The following TBK1 variants were observed in gnomAD, a reference collection of about 807,000 sequenced individuals.
TBK1 encodes TANK binding kinase 1.
In TBK1, 37 loss-of-function variants were observed where a neutral mutation model predicts 99.9. The ratio of observed to expected loss-of-function variants is 0.37; its 90% confidence interval spans 0.28 to 0.49. TBK1 has a LOEUF of 0.49. TBK1 is among the 20% of genes least tolerant of loss of function. The probability of loss-of-function intolerance (pLI) is 0.98; values close to 1 mark genes in which losing one functional copy is unlikely to be tolerated. For synonymous variants in TBK1, 258 were observed against 279.8 expected (o/e 0.92, Z 0.78); for missense variants, 644 against 872.5 (o/e 0.74, Z 3.30).
At chr12:64,457,615 A>C (rs2040503245) in intron 2 of TBK1, among the ~76,000 whole-genome samples, 1 of 152,198 alleles carries the variant, frequency 6.6e-6, no homozygotes, top group African/African-American at 2.4e-5. Context: ...TAGTAGCAAG[A>C]TTGATTAGAA....
intron 5 of TBK1, among the ~76,000 whole-genome samples, chr12:64,468,421 G>A (rs1426115130): frequency 6.6e-6 from 1 of 151,896 alleles, no homozygotes; most frequent in African/African-American, 2.4e-5. Flanking sequence ...AACCTGGGAG[G>A]TGGAGGTTTC....
intron 3 of TBK1, among the ~76,000 whole-genome samples, chr12:64,462,622 T>G (rs375916687): frequency 3.0e-4 from 45 of 152,284 alleles, no homozygotes; most frequent in African/African-American, 1.0e-3. Context: ...TTCTCTCTCT[T>G]TTTTGAAATG....
At chr12:64,495,879 T>C in intron 15 of TBK1, 104 bp downstream of exon 15, 1 of 861,496 alleles carries the variant, frequency 1.2e-6, no homozygotes, top group Non-Finnish European at 1.7e-6. Flanking sequence ...CTTCTTAAGC[T>C]GTTTTTTTCA....
chr12:64,478,757 C>G (rs953743512), intron 6 of TBK1, among the ~76,000 whole-genome samples: 3 of 152,166 alleles, frequency 2.0e-5, no homozygotes, highest in African/African-American at 7.2e-5. Flanking sequence ...GAAATCTCTT[C>G]ATTAATAAAA....
intron 8 of TBK1, 79 bp from the exon 9 acceptor site, chr12:64,484,224 T>C (rs1220308134): frequency 1.1e-6 from 1 of 893,772 alleles, no homozygotes; most frequent in East Asian, 2.6e-5. Context: ...TAGAAATGGA[T>C]GTTGTTGCAC....
chr12:64,466,943 G>A lies in TBK1; in HGVS notation c.401G>A (p.Arg134His), dbSNP rs1264687081. Residue 134 changes from arginine (R) to histidine (H), a missense_variant, in exon 5 of 21, where the codon CGT becomes CAT. By Grantham distance (29) the Arg-to-His change is conservative. Transcript: ENST00000331710. Reference sequence around the variant, plus strand: ...CTACGAGAGAATGGTATAGTGCACCGTGATATCAAGCCAGGAAATATCATG... The same window carrying A: ...CTACGAGAGAATGGTATAGTGCACCATGATATCAAGCCAGGAAATATCATG... ...NHLRENGIVH[R>H]DIKPGNIMRV... The A allele has an allele frequency of 3.1e-6, 5 of 1,611,244 alleles. No individual in the cohort carries two copies. The highest frequency in any genetic ancestry group is 2.5e-6 in the Non-Finnish European group (3 of 1,178,796).
chr12:64,457,134 T>C (rs944223554), intron 2 of TBK1, among the ~76,000 whole-genome samples: 3 of 152,218 alleles, frequency 2.0e-5, no homozygotes, highest in African/African-American at 7.2e-5. Context: ...AGAGAGGAAT[T>C]GCTTCCTCTT....
intron 3 of TBK1, among the ~76,000 whole-genome samples, chr12:64,461,223 AT>A (rs1170838012): frequency 2.0e-5 from 3 of 152,074 alleles, no homozygotes; most frequent in African/African-American, 7.2e-5. Flanking sequence ...CTTTAAAAAA[AT>A]AAAAATTTTG....
Position 64,485,499 on chromosome 12 carries a change from G to A in TBK1, c.1234G>A (p.Ala412Thr). Residue 412 changes from alanine to threonine, a missense_variant, in exon 10 of 21, where the codon GCT becomes ACT. By Grantham distance (58) the Ala-to-Thr change is moderately conservative. This residue lies in a region of TBK1 where 465 missense variants were observed against 588.0 expected (regional missense o/e 0.79). Transcript: ENST00000331710. ...TCCACGTTATGATTTAGACGGGGAT[G>A]CTAGCATGGCTAAGGTTAGTATTTA... ...VHPRYDLDGD[A>T]SMAKAITGVV... The A allele has an allele frequency of 6.5e-7, 1 of 1,547,084 alleles. No individual in the cohort carries two copies. The highest frequency in any genetic ancestry group is 8.8e-7 in the Non-Finnish European group (1 of 1,130,236).
chr12:64,466,989 A>C lies in TBK1; in HGVS notation c.447A>C (p.Gly149=). The C allele has an allele frequency of 6.2e-7, 1 of 1,613,048 alleles. No homozygotes were observed. The highest frequency in any genetic ancestry group is 1.7e-4 in the Middle Eastern group (1 of 6,058). The change falls in exon 5 of 21, where the codon GGA becomes GGC. Residue 149 remains glycine (G), a synonymous_variant. Transcript: ENST00000331710. ...GNIMRVIGED[G]QSVYKLTDFG... is the part of the protein sequence containing the mutation. ...TCATGCGTGTTATAGGGGAAGATGGACAGTCTGTGTACAAACTCACAGATT... is the reference window on the plus strand; with the variant it reads ...TCATGCGTGTTATAGGGGAAGATGGCCAGTCTGTGTACAAACTCACAGATT...
At chr12:64,500,617 A>G (rs1289787629) in intron 20 of TBK1, among the ~76,000 whole-genome samples, 1 of 152,120 alleles carries the variant, frequency 6.6e-6, no homozygotes, top group Non-Finnish European at 1.5e-5. Context: ...TTATACTTCA[A>G]TTCAAAGAGT....
chr12:64,484,230 T>C, intron 8 of TBK1, 73 bp from the exon 9 acceptor site: 1 of 934,924 alleles, frequency 1.1e-6, no homozygotes. Flanking sequence ...TGGATGTTGT[T>C]GCACTCATTT....
rs758357594 is a variant in TBK1, at chr12:64,484,380, G to A, written c.1070G>A (p.Arg357Gln). The A allele has an allele frequency of 5.6e-6, 9 of 1,613,944 alleles. No homozygotes were observed. The highest frequency in any genetic ancestry group is 7.6e-6 in the Non-Finnish European group (9 of 1,179,954). The change falls in exon 9 of 21, where the codon CGA becomes CAA. Residue 357 changes from arginine to glutamine, a missense_variant. Arg to Gln is a conservative substitution (Grantham distance 43, BLOSUM62 1). Transcript: ENST00000331710. ...AATCAAGAACTTATCTACGAAGGGC[G>A]ACGCTTAGTCTTAGAACCTGGAAGG... ...SSNQELIYEG[R>Q]RLVLEPGRLA...
chr12:64,501,536 A>T lies in TBK1; in HGVS notation c.*155A>T. ...ACAATATTGTAAATACATAAAAAATATACAAATTTTTGGCTGCTGTGAAGA... is the reference window on the plus strand; with the variant it reads ...ACAATATTGTAAATACATAAAAAATTTACAAATTTTTGGCTGCTGTGAAGA... On this transcript the variant is annotated 3_prime_UTR_variant, in exon 21 of 21. Coordinates refer to ENST00000331710, the MANE Select transcript of TBK1 (RefSeq NM_013254.4). 1.4e-6 allele frequency: 1 copy of T among 715,026 alleles called. No homozygotes were observed. Among genetic ancestry groups the T allele is most frequent in the East Asian group, 3.0e-5 (1 of 33,422 alleles). The allele number at this position is 715,026 out of a possible 1,614,324, so 44.3% of individuals were successfully genotyped here.
intron 1 of TBK1, among the ~76,000 whole-genome samples, chr12:64,454,205 C>T (rs2040459772): frequency 6.6e-6 from 1 of 152,182 alleles, no homozygotes; most frequent in South Asian, 2.1e-4. Flanking sequence ...TCACTCTCAT[C>T]AACAAAGACA....
chr12:64,488,402 G>C, intron 11 of TBK1, 85 bp from the exon 12 acceptor site: 1 of 659,602 alleles, frequency 1.5e-6, no homozygotes, highest in Non-Finnish European at 2.5e-6. Context: ...AAATGTTTTT[G>C]AACTGTAGTA....
intron 1 of TBK1, among the ~76,000 whole-genome samples, chr12:64,454,445 C>T (rs1390935088): frequency 2.0e-5 from 3 of 151,690 alleles, no homozygotes; most frequent in Non-Finnish European, 4.4e-5. Flanking sequence ...GGCGGGGTTT[C>T]TCCATATTGG....
In TBK1 at chr12:64,497,953, T is replaced by G; in HGVS notation, c.2067-15T>G. The G allele has an allele frequency of 6.2e-7, 1 of 1,604,798 alleles. No individual in the cohort carries two copies. Among genetic ancestry groups the G allele is most frequent in the Non-Finnish European group, 8.5e-7 (1 of 1,175,574 alleles). On this transcript the variant is annotated splice_polypyrimidine_tract_variant and intron_variant, in intron 19 of 20. Coordinates refer to ENST00000331710, the MANE Select transcript of TBK1 (RefSeq NM_013254.4). Reference sequence around the variant, plus strand: ...CATACTGTTTTTGAGCAAAGGTGCTTGTTTATTTTATTAGTATGAAGAAAT... The same window carrying G: ...CATACTGTTTTTGAGCAAAGGTGCTGGTTTATTTTATTAGTATGAAGAAAT...
At chr12:64,489,768 G>C (rs991324486) in intron 12 of TBK1, among the ~76,000 whole-genome samples, 2 of 150,778 alleles carry the variant, frequency 1.3e-5, no homozygotes, top group African/African-American at 4.9e-5. Context: ...AGTAGAGATG[G>C]GGTTTTACCA....
Sources: gnomAD v4.1 joint callset for allele counts (sites outside exome capture counted in the v4.1 genomes callset) on GRCh38, gnomAD v4.1.1 for gene constraint, gnomAD v4.1.1 regional missense constraint, MANE v1.5 for transcripts, NCBI Gene and HGNC (gene_info 2026-07-23, HGNC 2026-07-21) for gene names.